The following SP100 variants were observed in gnomAD, a reference collection of about 807,000 sequenced individuals.
SP100 encodes the protein SP100 nuclear body protein, also known as nuclear autoantigen Sp-100.
A neutral mutation model predicts 130.0 loss-of-function variants in SP100; 84 were observed. The ratio of observed to expected loss-of-function variants is 0.65; its 90% CI spans 0.54 to 0.77. The LOEUF (loss-of-function observed/expected upper bound fraction) is 0.77, where lower values mean the gene tolerates loss of function less well. Among genes scored for constraint, SP100 ranks in the 30% least tolerant of loss-of-function variants. The pLI is 0.00. For missense variants in SP100, 978 were observed against 1,052.2 expected, an observed-to-expected ratio of 0.93 and a Z score of 0.97; for synonymous variants, 331 against 351.7, an observed-to-expected ratio of 0.94 and a Z score of 0.66.
At chr2:230,482,819 G>A (rs551224395) in intron 17 of SP100, among the ~76,000 whole-genome samples, 35 of 152,156 alleles carry the variant, frequency 2.3e-4, no homozygotes, top group Non-Finnish European at 4.3e-4. Flanking sequence ...TTAATATCAG[G>A]TAGGGTAAGT....
At chr2:230,520,277 C>G (rs1691110537) in intron 24 of SP100, among the ~76,000 whole-genome samples, 1 of 152,116 alleles carries the variant, frequency 6.6e-6, no homozygotes, top group Non-Finnish European at 1.5e-5. Flanking sequence ...TTCCTAAAAA[C>G]CATTTGGTCA....
chr2:230,447,268 G>A (rs1285603399), intron 5 of SP100, among the ~76,000 whole-genome samples: 1 of 152,194 alleles, frequency 6.6e-6, no homozygotes, highest in Non-Finnish European at 1.5e-5. Flanking sequence ...GGGAAAGAAA[G>A]GCTCCTGTTT....
chr2:230,498,870 C>T (rs1032617752), intron 19 of SP100, among the ~76,000 whole-genome samples: 4 of 152,176 alleles, frequency 2.6e-5, no homozygotes, highest in African/African-American at 7.2e-5. Context: ...ATGTAGCTGT[C>T]CCTCCTCTTG....
intron 19 of SP100, among the ~76,000 whole-genome samples, chr2:230,500,499 G>C (rs1260148583): frequency 6.6e-6 from 1 of 152,226 alleles, no homozygotes; most frequent in Non-Finnish European, 1.5e-5. Context: ...ATTTAAACAA[G>C]AGATAAACTG....
At position 230,446,862 on chromosome 2, in the gene SP100, G is replaced by C; in HGVS notation, c.483G>C (p.Glu161Asp). ...CTCTCCAAGAAAGTGAAGAAGAAGA[G>C]AGGGAGGAGAGGTCTGGCCTCCAAC... ...KLPLQESEEE[E>D]REERSGLQLS... Residue 161 changes from glutamate to aspartate, a missense_variant, in exon 5 of 29, where the codon GAG (glutamate) becomes GAC (aspartate). Transcript: ENST00000340126. The C allele has an allele frequency of 6.2e-7, 1 of 1,612,328 alleles. No individual in the cohort carries two copies. The highest frequency in any genetic ancestry group is 1.7e-4 in the Middle Eastern group (1 of 6,058).
chr2:230,516,987 T>C (rs569876042), intron 24 of SP100, among the ~76,000 whole-genome samples: 65 of 152,272 alleles, frequency 4.3e-4, no homozygotes, highest in African/African-American at 1.5e-3. Flanking sequence ...TTAATCAAAA[T>C]TATGACTGAT....
At chr2:230,530,568 A>C (rs1691654764) in intron 24 of SP100, among the ~76,000 whole-genome samples, 1 of 152,214 alleles carries the variant, frequency 6.6e-6, no homozygotes, top group Non-Finnish European at 1.5e-5. Flanking sequence ...ACAAAAGCCA[A>C]AATAGACAAA....
chr2:230,437,962 G>A (rs967805325), intron 2 of SP100, among the ~76,000 whole-genome samples: 10 of 152,180 alleles, frequency 6.6e-5, no homozygotes, highest in Non-Finnish European at 1.3e-4. Context: ...TCAAAAAACA[G>A]GGGTGAATTG....
intron 17 of SP100, among the ~76,000 whole-genome samples, chr2:230,483,626 G>A (rs1296362988): frequency 6.6e-6 from 1 of 152,206 alleles, no homozygotes; most frequent in Non-Finnish European, 1.5e-5. Context: ...GCAGGAGTAA[G>A]GAGGCTATTG....
At chr2:230,465,546 C>A (rs959397886) in intron 11 of SP100, among the ~76,000 whole-genome samples, 1 of 152,100 alleles carries the variant, frequency 6.6e-6, no homozygotes, top group Non-Finnish European at 1.5e-5. Flanking sequence ...ATAATAAGAA[C>A]TTATGAACAC....
rs1338197135 is a variant in SP100, at chr2:230,444,329, A to G, written c.422A>G (p.Tyr141Cys). The change falls in exon 4 of 29, where the codon TAT becomes TGT. Residue 141 changes from tyrosine to cysteine, a missense_variant. Coordinates refer to ENST00000340126, the MANE Select transcript of SP100 (RefSeq NM_001080391.2). ...MQEYPDLIHI[Y>C]KGFENVIHDK... ...GAATACCCCGATTTAATTCACATTT[A>G]TAAAGGCTTTGAAAATGGTAATTAG... 6.2e-7 allele frequency: 1 copy of G among 1,605,216 alleles called. No individual in the cohort carries two copies. Among genetic ancestry groups the G allele is most frequent in the Non-Finnish European group, 8.5e-7 (1 of 1,177,882 alleles).
At chr2:230,450,861 TA>T (rs1285543551) in intron 8 of SP100, among the ~76,000 whole-genome samples, 2 of 152,014 alleles carry the variant, frequency 1.3e-5, no homozygotes, top group Non-Finnish European at 2.9e-5. Context: ...ATTGTGTATA[TA>T]TTTTCTTTAT....
At chr2:230,494,337 T>C (rs1196057303) in intron 17 of SP100, 79 bp from the exon 18 acceptor site, 2 of 1,112,896 alleles carry the variant, frequency 1.8e-6, no homozygotes, top group Non-Finnish European at 2.7e-6. Context: ...ATTCAATGCT[T>C]GTAAACTATT....
intron 11 of SP100, 79 bp from the exon 12 acceptor site, chr2:230,466,222 C>A: frequency 2.9e-6 from 2 of 684,038 alleles, no homozygotes; most frequent in African/African-American, 1.9e-5. Context: ...TTAACCCAAG[C>A]CCATTTGCCA....
intron 17 of SP100, among the ~76,000 whole-genome samples, chr2:230,474,855 G>A (rs190254586): frequency 2.0e-5 from 3 of 152,006 alleles, no homozygotes; most frequent in African/African-American, 7.3e-5. Context: ...GCTGCGAAGG[G>A]TGTGATTTCA....
intron 21 of SP100, among the ~76,000 whole-genome samples, chr2:230,505,849 G>A (rs77365536): frequency 0.028 from 4,216 of 152,268 alleles, 189 homozygotes; most frequent in African/African-American, 0.096. Context: ...AGACAAGGCA[G>A]ATGTGGCTGT....
intron 1 of SP100, among the ~76,000 whole-genome samples, chr2:230,417,063 A>C (rs1440998977): frequency 6.6e-6 from 1 of 152,248 alleles, no homozygotes; most frequent in Non-Finnish European, 1.5e-5. Context: ...ATTGTTCATA[A>C]AATTTAAAAC....
intron 8 of SP100, among the ~76,000 whole-genome samples, chr2:230,452,491 A>T (rs1283035587): frequency 6.6e-6 from 1 of 152,186 alleles, no homozygotes; most frequent in Non-Finnish European, 1.5e-5. Flanking sequence ...TGGAATTTTT[A>T]TAGGTATTGC....
At chr2:230,497,014 G>A (rs190463380) in intron 18 of SP100, among the ~76,000 whole-genome samples, 10 of 152,274 alleles carry the variant, frequency 6.6e-5, no homozygotes, top group South Asian at 6.2e-4. Context: ...AAGGACGGAG[G>A]AGCACTTTAC....
Sources: gnomAD v4.1 joint callset for allele counts (sites outside exome capture counted in the v4.1 genomes callset) on GRCh38, gnomAD v4.1.1 for gene constraint, MANE v1.5 for transcripts, NCBI Gene and HGNC (gene_info 2026-07-23, HGNC 2026-07-21) for gene names.